Variants in CEP350 observed in about 807,000 individuals in gnomAD.
CEP350 encodes the protein centrosome-associated protein 350.
In CEP350, 126 loss-of-function variants were observed where a neutral mutation model predicts 331.8. The ratio of observed to expected loss-of-function variants is 0.38; its 90% CI spans 0.33 to 0.44. The LOEUF (loss-of-function observed/expected upper bound fraction) is 0.44. Ranked by LOEUF, CEP350 falls within the 20% of genes least tolerant of loss-of-function variation. CEP350 has a pLI of 1.00. For synonymous variants in CEP350, 1,200 were observed against 1,259.5 expected (o/e 0.95, Z 1.00); for missense variants, 3,406 against 3,634.6 (o/e 0.94, Z 1.62).
At chr1:179,960,913 G>T (rs1650559342) in intron 1 of CEP350, among the ~76,000 whole-genome samples, 2 of 151,968 alleles carry the variant, frequency 1.3e-5, no homozygotes, top group South Asian at 4.2e-4. Context: ...TGGCCTAGGG[G>T]TTCCATGAAA....
At chr1:180,063,091 G>A (rs749659898) in intron 26 of CEP350, among the ~76,000 whole-genome samples, 11 of 149,008 alleles carry the variant, frequency 7.4e-5, no homozygotes, top group Non-Finnish European at 1.6e-4. Context: ...GGGGGAGACT[G>A]TTTTACTATT....
At chr1:180,061,536 A>G (rs1444981557) in intron 25 of CEP350, among the ~76,000 whole-genome samples, 1 of 152,234 alleles carries the variant, frequency 6.6e-6, no homozygotes, top group Non-Finnish European at 1.5e-5. Context: ...AAAAAGGATT[A>G]TCTGTTAAAT....
rs1658469394 is a variant in CEP350, at chr1:180,065,109, T to C, written c.5410-6T>C. ...CCAATACAATTTTGCCTCTTTTTGT[T>C]TGCAGGACTCTCATAGTGATGATGA... On this transcript the variant is annotated splice_region_variant and splice_polypyrimidine_tract_variant and intron_variant, in intron 26 of 37. Transcript: ENST00000367607. The C allele has an allele frequency of 6.3e-7, 1 of 1,584,276 alleles. No homozygotes were observed. The highest frequency in any genetic ancestry group is 2.3e-5 in the East Asian group (1 of 44,146).
At chr1:179,965,296 A>G (rs1650920456) in intron 1 of CEP350, among the ~76,000 whole-genome samples, 10 of 152,084 alleles carry the variant, frequency 6.6e-5, no homozygotes, top group Admixed American at 6.5e-4. Context: ...GAATGTATTG[A>G]GACTTGCTTT....
chr1:180,041,163 A>G lies in CEP350; in HGVS notation c.4136A>G (p.Asp1379Gly). Residue 1379 changes from aspartate (D) to glycine (G), a missense_variant, in exon 18 of 38, where the codon GAC (aspartate) becomes GGC (glycine). Physicochemically the swap from Asp to Gly is moderately conservative, Grantham distance 94. Around this residue, in one of 5 missense-constraint regions of CEP350, gnomAD observed 1,857 missense variants for 1,909.2 expected, o/e 0.97. Transcript: ENST00000367607. ...GCACAACAGCAACGCCATGAAAGAG[A>G]CTTGGCCCTCTTGAAACTAAAGGCT... ...IKAQQQRHER[D>G]LALLKLKAEQ... 1.3e-6 allele frequency: 2 copies of G among 1,596,392 alleles called. No homozygotes were observed. The highest frequency in any genetic ancestry group is 1.7e-6 in the Non-Finnish European group (2 of 1,171,354).
rs750142501 is a variant in CEP350, at chr1:180,013,941, G to A, written c.1488G>A (p.Arg496=). The change falls in exon 10 of 38, where the codon CGG becomes CGA. Residue 496 remains arginine, a synonymous_variant. Coordinates refer to ENST00000367607, the MANE Select transcript of CEP350 (RefSeq NM_014810.5). ...CAGAACGTTCGAGAAGTAAATCTCG[G>A]TCTGAAAATAATATAAAGAAACTAG... ...RNSERSRSKS[R]SENNIKKLAS... is the part of the protein sequence containing the mutation. 2.5e-6 allele frequency: 4 copies of A among 1,613,528 alleles called. No individual in the cohort carries two copies. The African/African-American group carries it at 5.3e-5, about 22-fold the overall frequency.
chr1:180,110,324 A>G (rs1053856496), intron 37 of CEP350, among the ~76,000 whole-genome samples: 5 of 152,230 alleles, frequency 3.3e-5, no homozygotes, highest in Non-Finnish European at 7.3e-5. Flanking sequence ...CAGTAGAAAC[A>G]GTACTTCGAT....
In CEP350 at chr1:180,062,359, G is replaced by A; in HGVS notation, c.5402G>A (p.Ser1801Asn). 1.3e-6 allele frequency: 2 copies of A among 1,593,682 alleles called. No homozygotes were observed. Among genetic ancestry groups the A allele is most frequent in the Non-Finnish European group, 1.7e-6 (2 of 1,170,374 alleles). The change falls in exon 26 of 38, where the codon AGT becomes AAT. Residue 1801 changes from serine to asparagine, a missense_variant. Physicochemically the swap from Ser to Asn is conservative, Grantham distance 46 (BLOSUM62 1). Transcript: ENST00000367607. ...GAGAAATTGAAGTCTGCAGGGGAGA[G>A]TAAATTGGTAAACTACATGAAGTTA... ...LQEKLKSAGE[S>N]KLDSHSDDDT...
At chr1:180,082,997 A>G (rs1659666790) in intron 30 of CEP350, among the ~76,000 whole-genome samples, 1 of 152,170 alleles carries the variant, frequency 6.6e-6, no homozygotes, top group African/African-American at 2.4e-5. Flanking sequence ...AGGAACTCAG[A>G]TTTTATTATT....
Position 179,955,070 on chromosome 1 carries a change from CG to C in CEP350, c.-84del. 2 of 1,425,312 alleles carry C rather than the reference CG, an allele frequency of 1.4e-6. No homozygotes were observed. The highest frequency in any genetic ancestry group is 1.8e-6 in the Non-Finnish European group (2 of 1,091,930). The allele number at this position is 1,425,312 out of a possible 1,614,324, so 88.3% of individuals were successfully genotyped here. ...CGGGCAGCCCTGGGGCCGGTCGGGGCGGCGTCACTGCACCCTCCGCCAGGCT... is the reference window on the plus strand; with the variant it reads ...CGGGCAGCCCTGGGGCCGGTCGGGGCGCGTCACTGCACCCTCCGCCAGGCT... On this transcript the variant is annotated 5_prime_UTR_variant, in exon 1 of 38. Transcript: ENST00000367607.
chr1:179,955,174 G>A, intron 1 of CEP350, 32 bp downstream of exon 1: 1 of 1,378,280 alleles, frequency 7.3e-7, no homozygotes, highest in South Asian at 1.3e-5. Flanking sequence ...CTGGGACCGC[G>A]GAGTCTCGCT....
rs771406837 is a variant in CEP350 at position 180,075,008 on chromosome 1, T to C, written c.5568-14T>C. 4 of 1,599,380 alleles carry C rather than the reference T, an allele frequency of 2.5e-6. No homozygotes were observed. Among genetic ancestry groups the C allele is most frequent in the African/African-American group, 1.3e-5 (1 of 74,114 alleles). On this transcript the variant is annotated splice_polypyrimidine_tract_variant and intron_variant, in intron 27 of 37. Coordinates refer to ENST00000367607, the MANE Select transcript of CEP350 (RefSeq NM_014810.5). ...GTTTTTTCTCTCAAACTGTTCTTCA[T>C]GGTGTGACCATAGGTTTCTGACAAA...
In CEP350 at chr1:180,041,231, C is replaced by A; in HGVS notation, c.4204C>A (p.Arg1402=). Residue 1402 remains arginine (R), a synonymous_variant, in exon 18 of 38, where the codon CGA becomes AGA. Transcript: ENST00000367607. ...LESQRQLEET[R]NKAAQVHAES... ...GAGTCAGAGACAATTAGAAGAAACC[C>A]GAAACAAAGCAGCTCAGGTAACTTA... 6.3e-7 allele frequency: 1 copy of A among 1,588,720 alleles called. No individual in the cohort carries two copies. Among genetic ancestry groups the A allele is most frequent in the Non-Finnish European group, 8.6e-7 (1 of 1,167,808 alleles).
At chr1:179,970,479 C>G (rs778525435) in intron 1 of CEP350, among the ~76,000 whole-genome samples, 109 of 152,124 alleles carry the variant, frequency 7.2e-4, no homozygotes, top group Non-Finnish European at 9.1e-4. Flanking sequence ...TACCATTTGT[C>G]CATTTTATGT....
chr1:180,016,897 A>G (rs1655016414), intron 11 of CEP350, among the ~76,000 whole-genome samples: 1 of 152,060 alleles, frequency 6.6e-6, no homozygotes, highest in Non-Finnish European at 1.5e-5. Context: ...TCCTGACCTC[A>G]AGTGATCCAC....
chr1:180,094,299 G>A lies in CEP350; in HGVS notation c.8194G>A (p.Ala2732Thr). The part of the protein sequence containing the change: ...LLTREKNQLE[A>T]QLKSSLNEEK... ...AACAAGAGAAAAAAACCAACTGGAA[G>A]CCCAGCTGAAGTCATCACTAAATGA... The change falls in exon 34 of 38, where the codon GCC becomes ACC. Residue 2732 changes from alanine (A) to threonine (T), a missense_variant. By Grantham distance (58) the Ala-to-Thr change is moderately conservative. Transcript: ENST00000367607. 1 of 1,613,806 alleles carries A rather than the reference G, an allele frequency of 6.2e-7. No homozygotes were observed. Among genetic ancestry groups the A allele is most frequent in the Non-Finnish European group, 8.5e-7 (1 of 1,179,814 alleles).
intron 4 of CEP350, among the ~76,000 whole-genome samples, chr1:179,991,324 T>C (rs1571829783): frequency 1.4e-5 from 2 of 146,710 alleles, no homozygotes; most frequent in South Asian, 2.2e-4. Flanking sequence ...CTTTTTTTTT[T>C]TTTTTTTTTT....
intron 9 of CEP350, among the ~76,000 whole-genome samples, chr1:180,012,868 G>C (rs1654748616): frequency 3.3e-5 from 5 of 152,136 alleles, no homozygotes; most frequent in Admixed American, 3.3e-4. Flanking sequence ...CAGATAATTT[G>C]ATGATAAAAT....
At chr1:179,994,543 T>A (rs1354000447) in intron 5 of CEP350, among the ~76,000 whole-genome samples, 1 of 151,096 alleles carries the variant, frequency 6.6e-6, no homozygotes, top group Admixed American at 6.6e-5. Flanking sequence ...AGCCTTGATC[T>A]CCTAGGCTCA....
Sources: gnomAD v4.1 joint callset for allele counts (sites outside exome capture counted in the v4.1 genomes callset) on GRCh38, gnomAD v4.1.1 for gene constraint, gnomAD v4.1.1 regional missense constraint, MANE v1.5 for transcripts, NCBI Gene and HGNC (gene_info 2026-07-23, HGNC 2026-07-21) for gene names.